Variants in BACH2 observed in about 807,000 individuals in gnomAD.
The protein encoded by BACH2 is BACH transcriptional regulator 2.
In BACH2, 5 loss-of-function variants were observed where a neutral mutation model predicts 61.8. The observed-to-expected ratio is 0.08, with a 90% CI of 0.04 to 0.17. BACH2 has a LOEUF of 0.17. Among genes scored for constraint, BACH2 ranks in the 10% least tolerant of loss-of-function variants. The pLI is 1.00. For synonymous variants in BACH2, 446 were observed against 440.1 expected, an observed-to-expected ratio of 1.01 and a Z score of -0.17; for missense variants, 824 against 1,091.1, an observed-to-expected ratio of 0.76 and a Z score of 3.45.
rs1772494090 is a variant in BACH2 at position 89,928,960 on chromosome 6, G to A, written c.*3448C>T. On this transcript the variant is annotated 3_prime_UTR_variant, in exon 9 of 9. Coordinates refer to ENST00000257749, the MANE Select transcript of BACH2 (RefSeq NM_021813.4). ...TCAAGGCACCCCCAGGTAACGCAGA[G>A]AAACAAACACATACAGCAAATCACT... 1 of 152,268 alleles carries A rather than the reference G, an allele frequency of 6.6e-6. No homozygotes were observed. The highest frequency in any genetic ancestry group is 2.4e-5 in the African/African-American group (1 of 41,262). The allele number at this position is 152,268 out of a possible 1,614,324, so 9.4% of individuals were successfully genotyped here.
intron 5 of BACH2, among the ~76,000 whole-genome samples, chr6:90,014,469 T>TAA (rs540765610): frequency 5.6e-5 from 2 of 35,732 alleles, no homozygotes; most frequent in African/African-American, 3.2e-4. Flanking sequence ...TATATATATA[T>TAA]TTTTTTTTTT....
At chr6:89,938,454 T>C (rs1773161418) in intron 7 of BACH2, 104 bp from the exon 8 acceptor site, 4 of 903,308 alleles carry the variant, frequency 4.4e-6, no homozygotes, top group Non-Finnish European at 6.8e-6. Context: ...GACCAAGTAA[T>C]ATGGAAACTA....
rs1355946699 is a variant in BACH2, at chr6:90,031,306, C to T, written c.-12-22450G>A. The stretch of plus-strand genomic sequence containing the variant: ...TGAAAATTGGCACAAGACAGGGATG[C>T]CCTCTCTCACCACTCCTATTCAACA... On this transcript the variant is annotated intron_variant, in intron 5 of 8. Transcript: ENST00000257749. Among the ~76,000 whole-genome samples the T allele has an allele frequency of 2.0e-5, 3 of 152,100 alleles. No individual in the cohort carries two copies. In the East Asian group the frequency reaches 5.8e-4, roughly 29 times the overall value.
intron 5 of BACH2, among the ~76,000 whole-genome samples, chr6:90,037,682 T>A (rs1331132778): frequency 6.6e-6 from 1 of 152,204 alleles, no homozygotes; most frequent in Non-Finnish European, 1.5e-5. Context: ...GTGGATTGAA[T>A]CACAATATTC....
At chr6:90,212,287 G>T (rs573259088) in intron 3 of BACH2, among the ~76,000 whole-genome samples, 1 of 152,272 alleles carries the variant, frequency 6.6e-6, no homozygotes, top group Non-Finnish European at 1.5e-5. Context: ...CAAAGGCAAA[G>T]AAACTAGACT....
chr6:90,036,865 T>C (rs575742643), intron 5 of BACH2, among the ~76,000 whole-genome samples: 175 of 152,232 alleles, frequency 1.1e-3, no homozygotes, highest in African/African-American at 3.6e-3. Flanking sequence ...TTATACTCCA[T>C]CCCAGTCATT....
intron 5 of BACH2, among the ~76,000 whole-genome samples, chr6:90,055,355 C>A (rs1021781210): frequency 6.6e-6 from 1 of 152,078 alleles, no homozygotes; most frequent in Non-Finnish European, 1.5e-5. Context: ...ATTCGATCAA[C>A]TGGAAGAAAG....
At chr6:90,200,315 C>T (rs1421479149) in intron 4 of BACH2, among the ~76,000 whole-genome samples, 2 of 152,114 alleles carry the variant, frequency 1.3e-5, no homozygotes, top group South Asian at 2.1e-4. Flanking sequence ...TTGTACACAT[C>T]GGCAGTGTCT....
At chr6:90,087,842 G>A (rs930660107) in intron 5 of BACH2, among the ~76,000 whole-genome samples, 1 of 151,742 alleles carries the variant, frequency 6.6e-6, no homozygotes, top group African/African-American at 2.4e-5. Context: ...TGGAGAATGG[G>A]GTATCCACCC....
chr6:90,240,246 CAAA>C (rs960006844), intron 3 of BACH2, among the ~76,000 whole-genome samples: 2 of 152,042 alleles, frequency 1.3e-5, no homozygotes, highest in Non-Finnish European at 2.9e-5. Flanking sequence ...AATGAAATAT[CAAA>C]AAGTTTAACA....
intron 6 of BACH2, among the ~76,000 whole-genome samples, chr6:90,003,459 A>G (rs1777240462): frequency 6.6e-6 from 1 of 151,930 alleles, no homozygotes; most frequent in Non-Finnish European, 1.5e-5. Flanking sequence ...TCTCTGTTTT[A>G]TTTTCCTCAA....
Position 90,129,230 on chromosome 6 carries a change from T to C in BACH2, c.-161-40121A>G, listed in dbSNP as rs559816937. 2.3e-3 allele frequency among the ~76,000 whole-genome samples: 352 copies of C among 152,252 alleles called. 2 individuals are homozygous for C. The highest frequency in any genetic ancestry group is 7.8e-3 in the African/African-American group (325 of 41,544). On this transcript the variant is annotated intron_variant, in intron 4 of 8. Transcript: ENST00000257749. ...ACTTAAAGTATAATAACAAAAAATC[T>C]ATAAAGGGTTCTGGATATCAAATAG...
At chr6:90,249,478 T>C (rs1010443346) in intron 3 of BACH2, among the ~76,000 whole-genome samples, 1 of 152,090 alleles carries the variant, frequency 6.6e-6, no homozygotes, top group African/African-American at 2.4e-5. Flanking sequence ...TCAATACATA[T>C]CATAAAAACA....
intron 2 of BACH2, among the ~76,000 whole-genome samples, chr6:90,264,044 T>G (rs1771248026): frequency 6.6e-6 from 1 of 152,212 alleles, no homozygotes; most frequent in South Asian, 2.1e-4. Flanking sequence ...GAAGAAAATC[T>G]GCATTCATTG....
intron 3 of BACH2, among the ~76,000 whole-genome samples, chr6:90,210,930 C>G (rs146707979): frequency 6.6e-6 from 1 of 151,872 alleles, no homozygotes; most frequent in Non-Finnish European, 1.5e-5. Context: ...GAGGCTGAGA[C>G]GGGTGGACCA....
At chr6:90,034,730 TC>T (rs1412163375) in intron 5 of BACH2, among the ~76,000 whole-genome samples, 1 of 152,134 alleles carries the variant, frequency 6.6e-6, no homozygotes, top group East Asian at 1.9e-4. Flanking sequence ...TGCTATGTCA[TC>T]CTCAGCTATA....
At chr6:90,055,732 A>T (rs372548312) in intron 5 of BACH2, among the ~76,000 whole-genome samples, 1 of 152,080 alleles carries the variant, frequency 6.6e-6, no homozygotes, top group African/African-American at 2.4e-5. Flanking sequence ...GAGAAAGGTC[A>T]GGTTACCCAC....
At chr6:90,199,456 A>G (rs1420129517) in intron 4 of BACH2, among the ~76,000 whole-genome samples, 1 of 152,228 alleles carries the variant, frequency 6.6e-6, no homozygotes, top group East Asian at 1.9e-4. Flanking sequence ...AAGACAAATG[A>G]GCGTTAACAT....
chr6:90,259,217 G>A (rs1291235390), intron 2 of BACH2, among the ~76,000 whole-genome samples: 7 of 152,110 alleles, frequency 4.6e-5, no homozygotes, highest in Non-Finnish European at 1.0e-4. Context: ...TTTCATAAAT[G>A]GCCTTTATTA....
Sources: allele counts gnomAD v4.1 joint callset (sites outside exome capture counted in the v4.1 genomes callset), GRCh38; gene constraint gnomAD v4.1.1; transcripts MANE v1.5; gene names NCBI Gene and HGNC (gene_info 2026-07-23, HGNC 2026-07-21).